PDE10A: variants seen among roughly 807,000 people sequenced by gnomAD.
PDE10A encodes the protein cAMP and cAMP-inhibited cGMP 3',5'-cyclic phosphodiesterase 10A.
Under a neutral mutation model 97.7 loss-of-function variants are expected in PDE10A, and 39 were observed. The ratio of observed to expected loss-of-function variants is 0.40; its 90% CI spans 0.31 to 0.52. The LOEUF is 0.52. PDE10A is among the 20% of genes least tolerant of loss of function. PDE10A has a pLI of 0.56. For synonymous variants in PDE10A, 371 were observed against 376.8 expected (o/e 0.98, Z 0.18); for missense variants, 731 against 1,047.8 (o/e 0.70, Z 4.17).
chr6:165,879,355 G>A (rs1781418832), intron 1 of PDE10A, among the ~76,000 whole-genome samples: 1 of 152,140 alleles, frequency 6.6e-6, no homozygotes, highest in Non-Finnish European at 1.5e-5. Flanking sequence ...GAGCAATTTT[G>A]GGGGACCAGC....
chr6:165,536,485 T>C (rs1337096823), intron 2 of PDE10A, among the ~76,000 whole-genome samples: 2 of 151,600 alleles, frequency 1.3e-5, no homozygotes, highest in African/African-American at 2.4e-5. Flanking sequence ...TAAAAACTTC[T>C]GCAAGCAAAC....
chr6:165,502,619 C>T (rs995141393), intron 2 of PDE10A, among the ~76,000 whole-genome samples: 1 of 152,148 alleles, frequency 6.6e-6, no homozygotes, highest in Non-Finnish European at 1.5e-5. Flanking sequence ...TTTTATAGTA[C>T]ACTGCTAAAC....
intron 1 of PDE10A, among the ~76,000 whole-genome samples, chr6:165,599,777 C>CCAA (rs979459747): frequency 5.3e-5 from 8 of 152,338 alleles, no homozygotes; most frequent in African/African-American, 1.9e-4. Context: ...GCGTCTCTGA[C>CCAA]CAACAGTACA....
chr6:165,870,742 G>T (rs1286286498), intron 1 of PDE10A, among the ~76,000 whole-genome samples: 4 of 152,112 alleles, frequency 2.6e-5, no homozygotes, highest in Admixed American at 2.0e-4. Flanking sequence ...AGAAAATGTG[G>T]TATATATACA....
rs774237980 is a variant in PDE10A at position 165,333,000 on chromosome 6, G to C, written c.*25C>G. The C allele has an allele frequency of 7.3e-7, 1 of 1,372,616 alleles. No homozygotes were observed. The highest frequency in any genetic ancestry group is 1.0e-6 in the Non-Finnish European group (1 of 960,386). The allele number at this position is 1,372,616 out of a possible 1,614,324, so 85.0% of individuals were successfully genotyped here. ...AAGCAAGATGAGGATCTGTAGGTGGGACAGCGTGTCAGGGTGACCAGTGCT... is the reference window on the plus strand; with the variant it reads ...AAGCAAGATGAGGATCTGTAGGTGGCACAGCGTGTCAGGGTGACCAGTGCT... On this transcript the variant is annotated 3_prime_UTR_variant, in exon 22 of 22. Coordinates refer to ENST00000539869, the MANE Select transcript of PDE10A (RefSeq NM_001385079.1).
intron 1 of PDE10A, chr6:165,774,908 AG>A (rs1226293822): frequency 6.7e-6 from 1 of 149,848 alleles, no homozygotes; most frequent in East Asian, 2.0e-4. Context: ...CCAGCATGAA[AG>A]CACTAGCTCT....
At position 165,353,985 on chromosome 6, in the gene PDE10A, G is replaced by A. The variant is rs539456410; in HGVS notation, c.2784-10483C>T. Among the ~76,000 whole-genome samples, 44 of 152,202 alleles carry A rather than the reference G, an allele frequency of 2.9e-4. 1 individual carries two copies. The South Asian group carries it at 9.1e-3, about 32-fold the overall frequency. On this transcript the variant is annotated intron_variant, in intron 18 of 21. Coordinates refer to ENST00000539869, the MANE Select transcript of PDE10A (RefSeq NM_001385079.1). ...CCATGTGTGGGGACCAGGATATAGAGGAACTCTGTACTTTCTACCCAATCT... is the reference window on the plus strand; with the variant it reads ...CCATGTGTGGGGACCAGGATATAGAAGAACTCTGTACTTTCTACCCAATCT...
intron 1 of PDE10A, among the ~76,000 whole-genome samples, chr6:165,815,480 G>A (rs76950922): frequency 6.6e-6 from 1 of 152,182 alleles, no homozygotes; most frequent in African/African-American, 2.4e-5. Context: ...GGGTAACGAA[G>A]GGTGGAAGGA....
intron 18 of PDE10A, among the ~76,000 whole-genome samples, chr6:165,376,459 G>A (rs1192405880): frequency 6.6e-6 from 1 of 152,240 alleles, no homozygotes; most frequent in African/African-American, 2.4e-5. Context: ...AAACTTGTTT[G>A]ACAAAGCAGG....
At chr6:165,922,703 T>C (rs1380738225) in intron 1 of PDE10A, among the ~76,000 whole-genome samples, 2 of 152,096 alleles carry the variant, frequency 1.3e-5, no homozygotes, top group Admixed American at 6.5e-5. Flanking sequence ...ACCACTCCCA[T>C]GAGCTCCACA....
Position 165,674,763 on chromosome 6 carries a change from TAGTC to T in PDE10A, c.-614-131199_-614-131196del, listed in dbSNP as rs1449493111. On this transcript the variant is annotated intron_variant, in intron 1 of 19. Coordinates refer to the PDE10A transcript ENST00000366882. ...AGGGCACGGAGGCAGAATGTGTACATAGTCAGTTGCCTCTGAAAGTTGTAACACT... is the reference window on the plus strand; with the variant it reads ...AGGGCACGGAGGCAGAATGTGTACATAGTTGCCTCTGAAAGTTGTAACACT... 5.3e-5 allele frequency among the ~76,000 whole-genome samples: 8 copies of T among 151,680 alleles called. No individual in the cohort carries two copies. The East Asian group carries it at 1.5e-3, about 29-fold the overall frequency.
rs58321856 is a variant in PDE10A, at chr6:165,358,511, G to GTT, written c.2784-15011_2784-15010dup. ...GTACAATTTTAATATAGGTACACCA[G>GTT]TTTTTTTTTTTTAATGCTGTTGCCA... On this transcript the variant is annotated intron_variant, in intron 18 of 21. Coordinates refer to ENST00000539869, the MANE Select transcript of PDE10A (RefSeq NM_001385079.1). Among the ~76,000 whole-genome samples, 360 of 146,252 alleles carry GTT rather than the reference G, an allele frequency of 2.5e-3. 2 individuals carry two copies. Among genetic ancestry groups the GTT allele is most frequent in the Admixed American group, 5.0e-3 (73 of 14,694 alleles).
At position 165,430,332 on chromosome 6, in the gene PDE10A, A is replaced by C. The variant is rs756186124; in HGVS notation, c.1556T>G (p.Leu519Arg). ...GTCATTCAATTCTGTCTGTTTGGCA[A>C]GGCCTCTGCATACCTACCATATAAA... ...AIHQVQVCRG[L>R]AKQTELNDFL... is the part of the protein sequence containing the mutation. Residue 519 changes from leucine (L) to arginine (R), a missense_variant, in exon 9 of 22, where the codon CTT becomes CGT. By Grantham distance (102) the Leu-to-Arg change is moderately radical. Coordinates refer to ENST00000539869, the MANE Select transcript of PDE10A (RefSeq NM_001385079.1). The C allele has an allele frequency of 6.2e-7, 1 of 1,604,434 alleles. No homozygotes were observed. Among genetic ancestry groups the C allele is most frequent in the Non-Finnish European group, 8.5e-7 (1 of 1,172,134 alleles).
intron 1 of PDE10A, among the ~76,000 whole-genome samples, chr6:165,587,309 A>G (rs1021809363): frequency 1.3e-4 from 20 of 152,322 alleles, no homozygotes; most frequent in African/African-American, 4.3e-4. Context: ...GGGAGAAAGC[A>G]ATTAGAACGA....
intron 1 of PDE10A, among the ~76,000 whole-genome samples, chr6:165,921,087 C>T (rs1250166522): frequency 1.3e-5 from 2 of 152,176 alleles, no homozygotes; most frequent in African/African-American, 4.8e-5. Context: ...CTGAATGACC[C>T]GCCTACTGAC....
At chr6:165,569,149 A>C (rs1784929107) in intron 1 of PDE10A, among the ~76,000 whole-genome samples, 1 of 152,194 alleles carries the variant, frequency 6.6e-6, no homozygotes, top group Non-Finnish European at 1.5e-5. Context: ...TATTAAGTTA[A>C]TTTCACTTAC....
At chr6:165,700,661 G>A (rs1440448465) in intron 1 of PDE10A, among the ~76,000 whole-genome samples, 2 of 152,184 alleles carry the variant, frequency 1.3e-5, no homozygotes, top group Non-Finnish European at 2.9e-5. Context: ...GGGGATTGGA[G>A]AGAGGTAGTC....
rs1042056934 is a variant in PDE10A, at chr6:165,333,222, G to A, written c.3066-95C>T. ...CCAAACAGTCCTGTGGCACAGCTCT[G>A]CACAACGGCATTGTGTGGGGCCCTC... On this transcript the variant is annotated intron_variant, in intron 21 of 21. Coordinates refer to ENST00000539869, the MANE Select transcript of PDE10A (RefSeq NM_001385079.1). 9.0e-6 allele frequency: 7 copies of A among 778,602 alleles called. No individual in the cohort carries two copies. In the African/African-American group the frequency reaches 1.0e-4, roughly 11 times the overall value. 48.2% of individuals were successfully genotyped at this position (778,602 alleles called of 1,614,324 possible).
chr6:165,533,072 AAATTT>A (rs1477646213), intron 2 of PDE10A, among the ~76,000 whole-genome samples: 1 of 152,204 alleles, frequency 6.6e-6, no homozygotes, highest in Non-Finnish European at 1.5e-5. Context: ...AATCTCAAGC[AAATTT>A]AATTTATTTT....
Sources: gnomAD v4.1 joint callset for allele counts (sites outside exome capture counted in the v4.1 genomes callset) on GRCh38, gnomAD v4.1.1 for gene constraint, MANE v1.5 for transcripts, NCBI Gene and HGNC (gene_info 2026-07-23, HGNC 2026-07-21) for gene names.